Variants in KDM5A observed in about 807,000 individuals in gnomAD.
KDM5A encodes the protein lysine-specific demethylase 5A.
A neutral mutation model predicts 193.5 loss-of-function variants in KDM5A; 42 were observed. The observed-to-expected ratio is 0.22, with a 90% CI of 0.17 to 0.28. The LOEUF (loss-of-function observed/expected upper bound fraction) is 0.28. KDM5A is among the 10% of genes least tolerant of loss of function. The pLI is 1.00. For missense variants in KDM5A, 1,692 were observed against 2,055.1 expected (o/e 0.82, Z 3.42); for synonymous variants, 796 against 718.1 (o/e 1.11, Z -1.73).
At chr12:372,418 T>C (rs1193739690) in intron 3 of KDM5A, among the ~76,000 whole-genome samples, 2 of 152,254 alleles carry the variant, frequency 1.3e-5, no homozygotes, top group African/African-American at 4.8e-5. Flanking sequence ...ATAAGAATGC[T>C]TGTGATTTTT....
intron 14 of KDM5A, among the ~76,000 whole-genome samples, chr12:326,625 G>C (rs1943788463): frequency 6.6e-6 from 1 of 152,212 alleles, no homozygotes; most frequent in African/African-American, 2.4e-5. Context: ...ACTTTGGGAG[G>C]CCGAGGTGGA....
rs1472117971 is a variant in KDM5A, at chr12:297,325, A to G, written c.4075-125T>C. On this transcript the variant is annotated intron_variant, in intron 24 of 27. Coordinates refer to ENST00000399788, the MANE Select transcript of KDM5A (RefSeq NM_001042603.3). The stretch of plus-strand genomic sequence containing the variant: ...ACTAAAAATATGAGATTAAAATTAA[A>G]TATCTGATGTTAAATAAGATAGAAA... 7.5e-6 allele frequency: 6 copies of G among 803,874 alleles called. No individual in the cohort carries two copies. The East Asian group carries it at 8.0e-5, about 11-fold the overall frequency. The allele number at this position is 803,874 out of a possible 1,614,324, so 49.8% of individuals were successfully genotyped here. A position where few individuals can be genotyped will look rare whatever the true frequency, so the allele number is the denominator to read the frequency against.
rs534182529 is a variant in KDM5A, at chr12:295,812, T to A, written c.4235-19A>T. The A allele has an allele frequency of 6.2e-7, 1 of 1,605,566 alleles. No homozygotes were observed. Among genetic ancestry groups the A allele is most frequent in the Non-Finnish European group, 8.5e-7 (1 of 1,172,534 alleles). On this transcript the variant is annotated intron_variant, in intron 25 of 27. Transcript: ENST00000399788. The stretch of plus-strand genomic sequence containing the variant: ...CTAGAACCTTTCCCAAAAAATACCA[T>A]AAAACAAAGCAAAAAAAATTAAAAC...
At chr12:315,399 C>A (rs1478573338) in intron 19 of KDM5A, among the ~76,000 whole-genome samples, 5 of 152,128 alleles carry the variant, frequency 3.3e-5, no homozygotes, top group East Asian at 3.9e-4. Context: ...CATGGCGAAA[C>A]CCCATCTCTG....
At chr12:388,516 T>C (rs531961990) in intron 1 of KDM5A, 16 of 361,228 alleles carry the variant, frequency 4.4e-5, no homozygotes, top group Non-Finnish European at 8.1e-5. Flanking sequence ...TCAGAAACCC[T>C]AGCCCTGAGA....
At chr12:318,539 G>A in intron 18 of KDM5A, 78 bp from the exon 19 acceptor site, 2 of 1,030,112 alleles carry the variant, frequency 1.9e-6, no homozygotes, top group Admixed American at 3.6e-5. Flanking sequence ...ACATAGTCAA[G>A]GCAAACTATC....
chr12:331,817 A>C lies in KDM5A; in HGVS notation c.1773+2T>G, dbSNP rs1036426119. The C allele has an allele frequency of 6.2e-7, 1 of 1,613,982 alleles. No individual in the cohort carries two copies. Among genetic ancestry groups the C allele is most frequent in the Non-Finnish European group, 8.5e-7 (1 of 1,179,894 alleles). On this transcript the variant is annotated splice_donor_variant, in intron 13 of 27. Transcript: ENST00000399788. LOFTEE classifies it high-confidence loss of function. ...ACAACAGCCACTTGCTATAGAACAGACCCAGTCAGCAGTACAGAAGTTCAC... is the reference window on the plus strand; with the variant it reads ...ACAACAGCCACTTGCTATAGAACAGCCCCAGTCAGCAGTACAGAAGTTCAC...
Position 310,888 on chromosome 12 carries a change from T to C in KDM5A, c.3213A>G (p.Leu1071=). The part of the protein sequence containing the change: ...FLKKNSSHTL[L]QVLSPRTDIG... ...GAGAGTGTTGAAGTTCAAGTACCTG[T>C]AACAATGTATGGCTAGAATTCTTCT... The change falls in exon 21 of 28, where the codon TTA becomes TTG. Residue 1071 remains leucine, a synonymous_variant. Transcript: ENST00000399788. 2 of 1,614,162 alleles carry C rather than the reference T, an allele frequency of 1.2e-6. No homozygotes were observed. The highest frequency in any genetic ancestry group is 1.3e-5 in the African/African-American group (1 of 75,054).
chr12:332,787 C>T (rs1479346386), intron 12 of KDM5A, among the ~76,000 whole-genome samples: 1 of 152,044 alleles, frequency 6.6e-6, no homozygotes, highest in Non-Finnish European at 1.5e-5. Flanking sequence ...TTAGGATAAG[C>T]ATCCTTATTA....
At chr12:348,073 A>T (rs1944101397) in intron 10 of KDM5A, among the ~76,000 whole-genome samples, 1 of 151,570 alleles carries the variant, frequency 6.6e-6, no homozygotes, top group Admixed American at 6.6e-5. Flanking sequence ...ACAAGAAAAA[A>T]ACAAACAACC....
At chr12:323,236 A>AAAAAAAAAAAAAAAAAAAAAAAAAC in intron 15 of KDM5A, 30 bp from the exon 16 acceptor site, 1 of 1,500,446 alleles carries the variant, frequency 6.7e-7, no homozygotes, top group South Asian at 1.3e-5. Context: ...AAAAAAAAAA[A>AAAAAAAAAAAAAAAAAAAAAAAAAC]AAAGAAAACA....
chr12:311,963 G>A (rs1475615298), intron 20 of KDM5A, among the ~76,000 whole-genome samples: 3 of 152,176 alleles, frequency 2.0e-5, no homozygotes, highest in African/African-American at 7.2e-5. Context: ...GAACCCAGGA[G>A]GCAGAGGTTG....
chr12:319,992 GAAGTC>G (rs1235738742), intron 18 of KDM5A, among the ~76,000 whole-genome samples: 1 of 152,140 alleles, frequency 6.6e-6, no homozygotes, highest in Non-Finnish European at 1.5e-5. Flanking sequence ...CCAACACTTA[GAAGTC>G]AAGTCGAAGA....
At position 363,092 on chromosome 12, in the gene KDM5A, C is replaced by T; in HGVS notation, c.543G>A (p.Val181=). ...CTTTAAGATCTAAATTAGGCATCTG[C>T]ACACCCTAAAAGATCAGAGCACAGA... ...LFQSGVSLMG[V]QMPNLDLKEK... is the part of the protein sequence containing the mutation. Residue 181 remains valine (V), a synonymous_variant, in exon 5 of 28, where the codon GTG becomes GTA. Transcript: ENST00000399788. 1 of 1,613,992 alleles carries T rather than the reference C, an allele frequency of 6.2e-7. No homozygotes were observed. Among genetic ancestry groups the T allele is most frequent in the Non-Finnish European group, 8.5e-7 (1 of 1,179,918 alleles).
intron 10 of KDM5A, among the ~76,000 whole-genome samples, chr12:345,496 A>T (rs1027217528): frequency 3.3e-5 from 5 of 152,232 alleles, no homozygotes; most frequent in Non-Finnish European, 7.3e-5. Context: ...TTATTCTAAA[A>T]TTGACCACAT....
At chr12:386,498 T>C (rs1043613635) in intron 1 of KDM5A, among the ~76,000 whole-genome samples, 1 of 152,102 alleles carries the variant, frequency 6.6e-6, no homozygotes, top group African/African-American at 2.4e-5. Flanking sequence ...TACACTTATT[T>C]CCACTTAAGT....
In KDM5A at chr12:297,220, A is replaced by AAGT; in HGVS notation, c.4075-23_4075-21dup. On this transcript the variant is annotated intron_variant, in intron 24 of 27. Transcript: ENST00000399788. ...TGTGTCCTGAAGAAGAAACAAAGAGAAGTATTCAGAATTAGAGTCATTTAA... is the reference window on the plus strand; with the variant it reads ...TGTGTCCTGAAGAAGAAACAAAGAGAAGTAGTATTCAGAATTAGAGTCATTTAA... 1 of 1,612,812 alleles carries AAGT rather than the reference A, an allele frequency of 6.2e-7. No individual in the cohort carries two copies. Among genetic ancestry groups the AAGT allele is most frequent in the Middle Eastern group, 1.7e-4 (1 of 6,056 alleles).
At chr12:310,796 T>C (rs1007902297) in intron 21 of KDM5A, 89 bp downstream of exon 21, 7 of 1,354,020 alleles carry the variant, frequency 5.2e-6, no homozygotes, top group Admixed American at 5.0e-5. Flanking sequence ...ACTTGTATAA[T>C]GGTAATCAGA....
In KDM5A at chr12:346,005, T is replaced by C. The variant is rs146954379; in HGVS notation, c.1308+4616A>G. On this transcript the variant is annotated intron_variant, in intron 10 of 27. Transcript: ENST00000399788. ...TGGTTTTTTGAAAAGATCAACAAAA[T>C]TGATAGACCACGAGCAAGACTAATA... Among the ~76,000 whole-genome samples, 286 of 151,920 alleles carry C rather than the reference T, an allele frequency of 1.9e-3. 2 individuals carry two copies. Among genetic ancestry groups the C allele is most frequent in the African/African-American group, 6.7e-3 (277 of 41,396 alleles).
Sources: gnomAD v4.1 joint callset for allele counts (sites outside exome capture counted in the v4.1 genomes callset) on GRCh38, gnomAD v4.1.1 for gene constraint, MANE v1.5 for transcripts, NCBI Gene and HGNC (gene_info 2026-07-23, HGNC 2026-07-21) for gene names.